Variants in COL27A1 observed in about 807,000 individuals in gnomAD.
COL27A1 encodes collagen alpha-1(XXVII) chain.
In COL27A1, 106 loss-of-function variants were observed where a neutral mutation model predicts 251.3. The observed-to-expected ratio is 0.42, with a 90% CI of 0.36 to 0.50. The LOEUF (loss-of-function observed/expected upper bound fraction) is 0.50. Among genes scored for constraint, COL27A1 ranks in the 20% least tolerant of loss-of-function variants. The pLI is 0.00. For missense variants in COL27A1, 2,325 were observed against 2,522.8 expected (o/e 0.92, Z 1.68); for synonymous variants, 1,000 against 986.3 (o/e 1.01, Z -0.26).
chr9:114,189,172 T>C (rs1588621574), intron 5 of COL27A1, among the ~76,000 whole-genome samples: 1 of 152,224 alleles, frequency 6.6e-6, no homozygotes, highest in Non-Finnish European at 1.5e-5. Context: ...TCATTTATAT[T>C]CCTTGTAATT....
At chr9:114,235,571 G>T (rs748417588) in intron 16 of COL27A1, 28 bp from the exon 17 acceptor site, 2 of 1,606,220 alleles carry the variant, frequency 1.2e-6, no homozygotes, top group East Asian at 2.2e-5. Context: ...GGCCTCCATT[G>T]TAACCTTCTT....
At chr9:114,209,931 C>G (rs1396153899) in intron 11 of COL27A1, among the ~76,000 whole-genome samples, 1 of 152,184 alleles carries the variant, frequency 6.6e-6, no homozygotes, top group Non-Finnish European at 1.5e-5. Context: ...CAGGGATTTA[C>G]GGTAACTTGG....
intron 2 of COL27A1, 32 bp downstream of exon 2, chr9:114,162,817 A>G (rs750417155): frequency 7.1e-6 from 11 of 1,541,658 alleles, no homozygotes; most frequent in South Asian, 3.4e-5. Context: ...CCAGGGGGAG[A>G]CAAAGGAGAA....
chr9:114,262,076 A>C (rs1281457449), intron 28 of COL27A1, among the ~76,000 whole-genome samples: 1 of 152,094 alleles, frequency 6.6e-6, no homozygotes, highest in African/African-American at 2.4e-5. Flanking sequence ...TCAGCGAGAG[A>C]CAGAGCCCAG....
chr9:114,250,676 G>C lies in COL27A1; in HGVS notation c.3033+8G>C, dbSNP rs1054591534. 6.2e-7 allele frequency: 1 copy of C among 1,610,472 alleles called. No individual in the cohort carries two copies. The highest frequency in any genetic ancestry group is 1.3e-5 in the African/African-American group (1 of 74,874). On this transcript the variant is annotated splice_region_variant and intron_variant, in intron 25 of 60. Coordinates refer to ENST00000356083, the MANE Select transcript of COL27A1 (RefSeq NM_032888.4). ...GGAATCGTGGGAGAAAAGGTAAGTG[G>C]TGTTGAGGGGAAAAGATAAACAATT...
intron 14 of COL27A1, among the ~76,000 whole-genome samples, chr9:114,226,477 G>T (rs2135410265): frequency 6.6e-6 from 1 of 152,296 alleles, no homozygotes; most frequent in South Asian, 2.1e-4. Context: ...GCTGGACCTG[G>T]CCTGTCACAG....
chr9:114,188,649 T>C (rs999381924), intron 5 of COL27A1, among the ~76,000 whole-genome samples: 1 of 152,210 alleles, frequency 6.6e-6, no homozygotes, highest in African/African-American at 2.4e-5. Flanking sequence ...TACATACACA[T>C]ATATACAAAT....
chr9:114,307,943 T>G (rs960831183), intron 59 of COL27A1, among the ~76,000 whole-genome samples, 165 bp downstream of exon 59: 1 of 152,202 alleles, frequency 6.6e-6, no homozygotes, highest in Non-Finnish European at 1.5e-5. Context: ...ATCTATAAAT[T>G]GGGAGTGAGT....
At chr9:114,266,430 T>A in intron 32 of COL27A1, 135 bp from the exon 33 acceptor site, 1 of 641,494 alleles carries the variant, frequency 1.6e-6, no homozygotes, top group South Asian at 1.9e-5. Context: ...GGACCCTCGG[T>A]GTGGCTGGGG....
intron 12 of COL27A1, among the ~76,000 whole-genome samples, chr9:114,215,319 C>T (rs1025532592): frequency 2.6e-4 from 39 of 152,224 alleles, no homozygotes; most frequent in African/African-American, 8.4e-4. Context: ...ATTCCTATTT[C>T]CAAGTAGGGA....
chr9:114,308,352 C>A (rs1159461461), intron 59 of COL27A1, among the ~76,000 whole-genome samples: 2 of 152,196 alleles, frequency 1.3e-5, no homozygotes, highest in East Asian at 3.8e-4. Flanking sequence ...GCAATTTATG[C>A]CACAGTGAGA....
intron 27 of COL27A1, among the ~76,000 whole-genome samples, chr9:114,257,442 G>T (rs148143620): frequency 0.014 from 2,205 of 152,204 alleles, 64 homozygotes; most frequent in African/African-American, 0.05. Context: ...CCCACCCTCT[G>T]CCCTCTTCAG....
chr9:114,265,659 C>T (rs1564545455), intron 32 of COL27A1, among the ~76,000 whole-genome samples, 184 bp downstream of exon 32: 1 of 152,228 alleles, frequency 6.6e-6, no homozygotes, highest in Non-Finnish European at 1.5e-5. Context: ...GCTCAGCTCA[C>T]TTGGCCTCCA....
At chr9:114,278,179 G>A (rs112446757) in intron 37 of COL27A1, among the ~76,000 whole-genome samples, 1,532 of 151,012 alleles carry the variant, frequency 0.01, 10 homozygotes, top group Non-Finnish European at 0.018. Context: ...GGTGTGGGTG[G>A]GGGCAGCAGC....
chr9:114,290,131 G>A lies in COL27A1; in HGVS notation c.4260+20G>A. On this transcript the variant is annotated intron_variant, in intron 46 of 60. Transcript: ENST00000356083. The surrounding 1 kb of genome is among the most constrained non-coding windows in gnomAD (Gnocchi z 4.6). ...GTCCAGGTGAGTGACTACAGCTGCT[G>A]TTTCCAGCCAACCTCCCTGCCCGCC... 1 of 1,611,386 alleles carries A rather than the reference G, an allele frequency of 6.2e-7. No individual in the cohort carries two copies. The highest frequency in any genetic ancestry group is 1.1e-5 in the South Asian group (1 of 91,014).
chr9:114,284,756 T>A lies in COL27A1; in HGVS notation c.3966T>A (p.Pro1322=). ...AAGGCATTGTGGGACCCCTTGGACC[T>A]CCTGGACCAAAAGGCGAAAAGGTGG... ...GHKGIVGPLG[P]PGPKGEKGEQ... is the part of the protein sequence containing the mutation. The change falls in exon 41 of 61, where the codon CCT becomes CCA. Residue 1322 remains proline, a synonymous_variant. Transcript: ENST00000356083. The A allele has an allele frequency of 6.2e-7, 1 of 1,614,200 alleles. No homozygotes were observed. Among genetic ancestry groups the A allele is most frequent in the African/African-American group, 1.3e-5 (1 of 75,058 alleles).
At position 114,169,343 on chromosome 9, in the gene COL27A1, A is replaced by C; in HGVS notation, c.1788A>C (p.Gln596His). 1 of 1,612,416 alleles carries C rather than the reference A, an allele frequency of 6.2e-7. No homozygotes were observed. Among genetic ancestry groups the C allele is most frequent in the Non-Finnish European group, 8.5e-7 (1 of 1,179,726 alleles). Residue 596 changes from glutamine to histidine, a missense_variant, in exon 3 of 61, where the codon CAA becomes CAC. By Grantham distance (24) the Gln-to-His change is conservative. Coordinates refer to ENST00000356083, the MANE Select transcript of COL27A1 (RefSeq NM_032888.4). ...CGGCCCTGGTATTGGCCCCGGCGCA[A>C]TTCCTGTCCTCCAGCCCCCGGCCCA... The part of the protein sequence containing the change: ...TTPALVLAPA[Q>H]FLSSSPRPTS...
intron 19 of COL27A1, among the ~76,000 whole-genome samples, chr9:114,239,180 C>A (rs958212061): frequency 6.6e-6 from 1 of 152,196 alleles, no homozygotes; most frequent in Admixed American, 6.5e-5. Context: ...CTCCAGCACC[C>A]GGGTGAATTA....
chr9:114,249,208 G>A (rs564166223), intron 24 of COL27A1, among the ~76,000 whole-genome samples: 5 of 152,290 alleles, frequency 3.3e-5, no homozygotes, highest in South Asian at 2.1e-4. Flanking sequence ...CGTTGAAGCC[G>A]TTGTTATAAT....
Sources: gnomAD v4.1 joint callset for allele counts (sites outside exome capture counted in the v4.1 genomes callset) on GRCh38, gnomAD v4.1.1 for gene constraint, Gnocchi (gnomAD v3.1) non-coding constraint, MANE v1.5 for transcripts, NCBI Gene and HGNC (gene_info 2026-07-23, HGNC 2026-07-21) for gene names.